ZNF804A: variants seen among roughly 807,000 people sequenced by gnomAD.
The protein encoded by ZNF804A is zinc finger protein 804A.
ZNF804A carries 2 observed loss-of-function variants against 16.5 expected under a neutral mutation model. That is an observed-to-expected ratio of 0.12 (90% CI 0.05 to 0.38). The LOEUF (loss-of-function observed/expected upper bound fraction) is 0.38. Among genes scored for constraint, ZNF804A ranks in the 10% least tolerant of loss-of-function variants. The pLI is 0.99. For missense variants in ZNF804A, 1,473 were observed against 1,390.7 expected, an observed-to-expected ratio of 1.06 and a Z score of -0.94; for synonymous variants, 534 against 489.6, an observed-to-expected ratio of 1.09 and a Z score of -1.20.
At chr2:184,845,163 T>A (rs1263890356) in intron 1 of ZNF804A, among the ~76,000 whole-genome samples, 1 of 152,136 alleles carries the variant, frequency 6.6e-6, no homozygotes, top group African/African-American at 2.4e-5. Context: ...CATAGTTACA[T>A]TAAATTTTCT....
In ZNF804A at chr2:184,923,890, G is replaced by C. The variant is rs550572461; in HGVS notation, c.256-9713G>C. Among the ~76,000 whole-genome samples the C allele has an allele frequency of 3.9e-5, 6 of 151,930 alleles. No individual in the cohort carries two copies. The East Asian group carries it at 9.7e-4, about 24-fold the overall frequency. On this transcript the variant is annotated intron_variant, in intron 2 of 3. Transcript: ENST00000302277. ...TGTGTTAAATCATCCTTGTCTCCCT[G>C]GGATACATTCCTCTTGGTCATGATG...
chr2:184,821,179 A>G (rs1205019736), intron 1 of ZNF804A, among the ~76,000 whole-genome samples: 10 of 152,198 alleles, frequency 6.6e-5, no homozygotes. Flanking sequence ...ACAAGGCTGC[A>G]GTAACCAAAC....
At chr2:184,902,052 T>G (rs992015222) in intron 2 of ZNF804A, 1 of 152,118 alleles carries the variant, frequency 6.6e-6, no homozygotes, top group African/African-American at 2.4e-5. Context: ...TCATCAGGTG[T>G]TGGAAAATAT....
At chr2:184,722,291 C>G (rs577100474) in intron 1 of ZNF804A, among the ~76,000 whole-genome samples, 1 of 151,944 alleles carries the variant, frequency 6.6e-6, no homozygotes, top group Admixed American at 6.6e-5. Flanking sequence ...GTAAATCATC[C>G]GATGATTTAA....
intron 1 of ZNF804A, among the ~76,000 whole-genome samples, chr2:184,685,104 G>T (rs535626793): frequency 6.6e-6 from 1 of 152,086 alleles, no homozygotes; most frequent in East Asian, 1.9e-4. Flanking sequence ...GAGTGAGCGT[G>T]GGGTCTAGCC....
At position 184,937,354 on chromosome 2, in the gene ZNF804A, A is replaced by T. The variant is rs747548934; in HGVS notation, c.1958A>T (p.His653Leu). Residue 653 changes from histidine (H) to leucine (L), a missense_variant, in exon 4 of 4, where the codon CAT becomes CTT. Coordinates refer to ENST00000302277, the MANE Select transcript of ZNF804A (RefSeq NM_194250.2). ...GCTGCAGAGCAATTATTAGACTCAC[A>T]TCAGTTACTTGATAAAAGGCCCAAA... Reference protein sequence around the residue: ...YLAAEQLLDSHQLLDKRPKSE... With the variant: ...YLAAEQLLDSLQLLDKRPKSE... 1.2e-6 allele frequency: 2 copies of T among 1,613,780 alleles called. No homozygotes were observed. The highest frequency in any genetic ancestry group is 1.7e-5 in the Admixed American group (1 of 59,948).
intron 1 of ZNF804A, among the ~76,000 whole-genome samples, chr2:184,830,914 T>TA (rs1457742917): frequency 3.9e-5 from 6 of 152,032 alleles, no homozygotes; most frequent in Non-Finnish European, 8.8e-5. Context: ...CACAATAAAA[T>TA]AGAAATTTTC....
chr2:184,846,090 T>C (rs1377541975), intron 1 of ZNF804A, among the ~76,000 whole-genome samples: 1 of 152,148 alleles, frequency 6.6e-6, no homozygotes, highest in Non-Finnish European at 1.5e-5. Flanking sequence ...GTGTGGACTC[T>C]CAAGCTTCGT....
intron 2 of ZNF804A, among the ~76,000 whole-genome samples, chr2:184,909,829 G>A (rs1685329371): frequency 6.6e-6 from 1 of 151,956 alleles, no homozygotes; most frequent in African/African-American, 2.4e-5. Context: ...TTACATATGT[G>A]CTATGCCAAG....
At chr2:184,825,786 A>C (rs1262532467) in intron 1 of ZNF804A, among the ~76,000 whole-genome samples, 3 of 152,098 alleles carry the variant, frequency 2.0e-5, no homozygotes, top group Non-Finnish European at 4.4e-5. Context: ...AATGAATGGA[A>C]TATATATTAC....
intron 1 of ZNF804A, among the ~76,000 whole-genome samples, chr2:184,668,281 AT>A (rs1692282837): frequency 6.6e-6 from 1 of 151,880 alleles, no homozygotes; most frequent in South Asian, 2.1e-4. Flanking sequence ...TTACCTATCA[AT>A]TTTATGGTGA....
chr2:184,711,419 T>G, intron 1 of ZNF804A, among the ~76,000 whole-genome samples: 1 of 151,828 alleles, frequency 6.6e-6, no homozygotes, highest in Admixed American at 6.6e-5. Flanking sequence ...CTTTTTCAGA[T>G]ATATGTTTTG....
At chr2:184,628,231 C>T (rs1691538985) in intron 1 of ZNF804A, among the ~76,000 whole-genome samples, 1 of 151,936 alleles carries the variant, frequency 6.6e-6, no homozygotes, top group African/African-American at 2.4e-5. Context: ...AGGATAATCG[C>T]TTGAACTGGG....
intron 1 of ZNF804A, among the ~76,000 whole-genome samples, chr2:184,797,251 T>C (rs959988295): frequency 3.9e-5 from 6 of 152,178 alleles, no homozygotes; most frequent in African/African-American, 1.4e-4. Flanking sequence ...ATTATTGTGT[T>C]TCTGTCTATC....
chr2:184,857,677 T>A (rs894741306), intron 1 of ZNF804A, among the ~76,000 whole-genome samples: 1 of 152,186 alleles, frequency 6.6e-6, no homozygotes, highest in Non-Finnish European at 1.5e-5. Context: ...ATGTTTATAT[T>A]GTTATAGCCT....
chr2:184,910,923 G>T (rs1431498232), intron 2 of ZNF804A, among the ~76,000 whole-genome samples: 1 of 151,930 alleles, frequency 6.6e-6, no homozygotes, highest in Non-Finnish European at 1.5e-5. Flanking sequence ...CATTCTGCAG[G>T]TTCTCTGCTT....
At chr2:184,633,531 G>A (rs910668707) in intron 1 of ZNF804A, among the ~76,000 whole-genome samples, 2 of 152,140 alleles carry the variant, frequency 1.3e-5, no homozygotes, top group African/African-American at 4.8e-5. Flanking sequence ...ATGACTTAGT[G>A]ACTTGAACGG....
intron 1 of ZNF804A, among the ~76,000 whole-genome samples, chr2:184,647,766 T>C (rs1008093257): frequency 6.6e-6 from 1 of 152,118 alleles, no homozygotes; most frequent in Non-Finnish European, 1.5e-5. Flanking sequence ...AAAACACTGG[T>C]ATTCCTGAGA....
At chr2:184,829,899 CAAAAAAA>C (rs1244566222) in intron 1 of ZNF804A, among the ~76,000 whole-genome samples, 4 of 38,896 alleles carry the variant, frequency 1.0e-4, no homozygotes, top group Admixed American at 3.8e-4. Context: ...CTGTCTCTAC[CAAAAAAA>C]AAAAAAAAAA....
Sources: allele counts gnomAD v4.1 joint callset (sites outside exome capture counted in the v4.1 genomes callset), GRCh38; gene constraint gnomAD v4.1.1; transcripts MANE v1.5; gene names NCBI Gene and HGNC (gene_info 2026-07-23, HGNC 2026-07-21).